The following MAEL variants were observed in gnomAD, a reference collection of about 807,000 sequenced individuals.
MAEL encodes maelstrom spermatogenic transposon silencer, also known as protein maelstrom homolog.
MAEL carries 46 observed loss-of-function variants against 62.0 expected under a neutral mutation model. The ratio of observed to expected loss-of-function variants is 0.74; its 90% CI spans 0.59 to 0.95. The LOEUF (loss-of-function observed/expected upper bound fraction) is 0.95. Ranked by LOEUF, MAEL falls within the 40% of genes least tolerant of loss-of-function variation. The pLI, the probability that MAEL is intolerant of heterozygous loss-of-function variation, is 0.00. For synonymous variants in MAEL, 172 were observed against 175.5 expected (o/e 0.98, Z 0.16); for missense variants, 497 against 526.8 (o/e 0.94, Z 0.55).
chr1:167,011,077 C>G (rs919494638), intron 8 of MAEL, among the ~76,000 whole-genome samples: 1 of 152,004 alleles, frequency 6.6e-6, no homozygotes, highest in African/African-American at 2.4e-5. Flanking sequence ...TGCCTATAGT[C>G]AGTGCTCTGA....
At chr1:166,992,893 T>TA in intron 4 of MAEL, 52 bp downstream of exon 4, 1 of 1,392,540 alleles carries the variant, frequency 7.2e-7, no homozygotes, top group Admixed American at 2.6e-5. Flanking sequence ...TTTTTTTTTT[T>TA]AAATCTTGAC....
At chr1:166,989,548 G>A (rs1664067689) in intron 1 of MAEL, 64 bp downstream of exon 1, 1 of 1,550,066 alleles carries the variant, frequency 6.5e-7, no homozygotes, top group Non-Finnish European at 8.7e-7. Flanking sequence ...GGTGAGGCGG[G>A]AGGGCAGAAG....
intron 1 of MAEL, among the ~76,000 whole-genome samples, chr1:166,979,351 G>T (rs1423388231): frequency 7.3e-6 from 1 of 137,536 alleles, no homozygotes; most frequent in Non-Finnish European, 1.6e-5. Context: ...CATCCTCAAT[G>T]AATTATAAGT....
At chr1:166,994,142 A>G in intron 5 of MAEL, 73 bp downstream of exon 5, 1 of 1,285,390 alleles carries the variant, frequency 7.8e-7, no homozygotes, top group South Asian at 1.3e-5. Flanking sequence ...TTCCTTTTAC[A>G]CACAAACTAT....
At chr1:166,998,511 A>G (rs908831020) in intron 5 of MAEL, among the ~76,000 whole-genome samples, 6 of 152,078 alleles carry the variant, frequency 3.9e-5, no homozygotes, top group African/African-American at 1.4e-4. Context: ...TGTTCTTTCT[A>G]ATCTACATAT....
At chr1:167,010,241 G>T (rs1390644523) in intron 8 of MAEL, among the ~76,000 whole-genome samples, 1 of 152,064 alleles carries the variant, frequency 6.6e-6, no homozygotes, top group Non-Finnish European at 1.5e-5. Context: ...AATTTCCTGA[G>T]GCCTCCCCAC....
At chr1:167,012,363 T>G (rs1452976087) in intron 8 of MAEL, 2 of 152,200 alleles carry the variant, frequency 1.3e-5, no homozygotes, top group Non-Finnish European at 2.9e-5. Flanking sequence ...TTTATAATTT[T>G]TATAGGTCCC....
At chr1:166,983,687 T>G (rs1663829425) in intron 1 of MAEL, among the ~76,000 whole-genome samples, 1 of 152,006 alleles carries the variant, frequency 6.6e-6, no homozygotes, top group African/African-American at 2.4e-5. Context: ...AGGACTTAAG[T>G]AAAATAGAAA....
chr1:167,018,767 C>T lies in MAEL; in HGVS notation c.1041+808C>T, dbSNP rs182563083. On this transcript the variant is annotated intron_variant, in intron 10 of 11. Coordinates refer to ENST00000367872, the MANE Select transcript of MAEL (RefSeq NM_032858.3). ...CCAAAATTACGTACTTTAGAATATA[C>T]TGTATGATTCCATTCATATGACATT... Among the ~76,000 whole-genome samples the T allele has an allele frequency of 3.0e-3, 463 of 152,294 alleles. 2 individuals carry two copies. Among genetic ancestry groups the T allele is most frequent in the African/African-American group, 9.8e-3 (407 of 41,574 alleles).
intron 5 of MAEL, among the ~76,000 whole-genome samples, chr1:167,002,948 C>CT (rs56913073): frequency 0.013 from 1,927 of 152,290 alleles, 33 homozygotes; most frequent in African/African-American, 0.044. Flanking sequence ...ATTCAGCTCT[C>CT]TAAGATTTCT....
At chr1:167,013,648 T>C (rs1407437173) in intron 8 of MAEL, among the ~76,000 whole-genome samples, 2 of 152,198 alleles carry the variant, frequency 1.3e-5, no homozygotes, top group Non-Finnish European at 2.9e-5. Context: ...GGTCTCCCTG[T>C]TTTGTTCTTT....
intron 8 of MAEL, among the ~76,000 whole-genome samples, chr1:167,013,459 A>C (rs1341236113): frequency 6.6e-6 from 1 of 152,222 alleles, no homozygotes; most frequent in East Asian, 1.9e-4. Flanking sequence ...TGAGGGTTGA[A>C]GACATGAGAA....
Position 166,989,483 on chromosome 1 carries a change from C to A in MAEL, c.131C>A (p.Ala44Glu). The change falls in exon 1 of 12, where the codon GCG becomes GAG. Residue 44 changes from alanine to glutamate, a missense_variant and splice_region_variant. Transcript: ENST00000367872. ...ATCCCTTACTGCTCCTCAGACTGGG[C>A]GGTAAGGCTGGAGCGGAGTGAGAGG... ...DAIPYCSSDW[A>E]LLREEEKEKY... 3 of 1,583,430 alleles carry A rather than the reference C, an allele frequency of 1.9e-6. No homozygotes were observed. Among genetic ancestry groups the A allele is most frequent in the Non-Finnish European group, 2.6e-6 (3 of 1,164,664 alleles).
chr1:167,016,407 AAG>A (rs1665390324), intron 9 of MAEL, 123 bp downstream of exon 9: 3 of 827,128 alleles, frequency 3.6e-6, no homozygotes, highest in Non-Finnish European at 2.0e-6. Context: ...TTTCAAAACA[AAG>A]GGGGTCAAAT....
Position 167,022,152 on chromosome 1 carries a change from A to C in MAEL, c.*297A>C, listed in dbSNP as rs895685154. 1.2e-5 allele frequency: 3 copies of C among 247,878 alleles called. No homozygotes were observed. The highest frequency in any genetic ancestry group is 6.7e-5 in the African/African-American group (3 of 44,622). The allele number at this position is 247,878 out of a possible 1,614,324, so 15.4% of individuals were successfully genotyped here. ...AGAGTTGTACTTTTGGGAATGTTAT[A>C]GATTGATCATTCTTTCTCCTGATAA... On this transcript the variant is annotated 3_prime_UTR_variant, in exon 12 of 12. Coordinates refer to ENST00000367872, the MANE Select transcript of MAEL (RefSeq NM_032858.3).
At chr1:167,011,269 A>T (rs1412455565) in intron 8 of MAEL, among the ~76,000 whole-genome samples, 9 of 152,016 alleles carry the variant, frequency 5.9e-5, no homozygotes, top group Admixed American at 5.9e-4. Flanking sequence ...TACAGTTTTC[A>T]TTTTTCTATT....
chr1:167,013,938 A>G (rs1665274555), intron 8 of MAEL, among the ~76,000 whole-genome samples: 1 of 152,138 alleles, frequency 6.6e-6, no homozygotes, highest in Non-Finnish European at 1.5e-5. Context: ...GAAGTAGACT[A>G]TTCTTTTTAC....
chr1:166,993,637 G>A (rs1478617248), intron 4 of MAEL, among the ~76,000 whole-genome samples: 1 of 152,104 alleles, frequency 6.6e-6, no homozygotes, highest in Admixed American at 6.5e-5. Context: ...TTCCCCACAT[G>A]GGTTGTAAAA....
intron 1 of MAEL, among the ~76,000 whole-genome samples, chr1:166,982,461 G>A (rs1407321913): frequency 6.6e-6 from 1 of 152,166 alleles, no homozygotes; most frequent in African/African-American, 2.4e-5. Context: ...AAAGCTGGAT[G>A]TAGCTTGCAA....
Sources: allele counts gnomAD v4.1 joint callset (sites outside exome capture counted in the v4.1 genomes callset), GRCh38; gene constraint gnomAD v4.1.1; transcripts MANE v1.5; gene names NCBI Gene and HGNC (gene_info 2026-07-23, HGNC 2026-07-21).